Variants in CSMD3 observed in about 807,000 individuals in gnomAD.
CSMD3 encodes the protein CUB and sushi domain-containing protein 3.
A neutral mutation model predicts 435.2 loss-of-function variants in CSMD3; 177 were observed. The ratio of observed to expected loss-of-function variants is 0.41; its 90% CI spans 0.36 to 0.46. The LOEUF (loss-of-function observed/expected upper bound fraction) is 0.46, where lower values mean the gene tolerates loss of function less well. Among genes scored for constraint, CSMD3 ranks in the 20% least tolerant of loss-of-function variants. The pLI, the probability that CSMD3 is intolerant of heterozygous loss-of-function variation, is 0.34. For missense variants in CSMD3, 4,265 were observed against 4,504.6 expected (o/e 0.95, Z 1.52); for synonymous variants, 1,656 against 1,520.5 (o/e 1.09, Z -2.07).
chr8:113,078,645 C>A (rs1038715195), intron 5 of CSMD3, among the ~76,000 whole-genome samples: 22 of 152,098 alleles, frequency 1.4e-4, no homozygotes, highest in African/African-American at 5.3e-4. Flanking sequence ...TTTTTGAACA[C>A]CCACATGAGC....
chr8:112,359,281 C>A (rs1826943465), intron 38 of CSMD3, among the ~76,000 whole-genome samples: 1 of 152,144 alleles, frequency 6.6e-6, no homozygotes. Context: ...TCCTTCATTC[C>A]TGTGCCAGAT....
At chr8:113,332,356 T>G (rs2094034753) in intron 1 of CSMD3, among the ~76,000 whole-genome samples, 1 of 129,152 alleles carries the variant, frequency 7.7e-6, no homozygotes, top group African/African-American at 2.8e-5. Context: ...CAGAACATAA[T>G]AAAATGAGGT....
chr8:112,303,848 C>A (rs1416864579), intron 52 of CSMD3, among the ~76,000 whole-genome samples: 2 of 151,994 alleles, frequency 1.3e-5, no homozygotes, highest in Non-Finnish European at 1.5e-5. Context: ...CCTAGGTAGA[C>A]CTTTGATCTC....
At chr8:113,241,777 A>G (rs1229966310) in intron 3 of CSMD3, among the ~76,000 whole-genome samples, 2 of 151,920 alleles carry the variant, frequency 1.3e-5, no homozygotes, top group Non-Finnish European at 1.5e-5. Flanking sequence ...AAAGAAAAAT[A>G]AAATTTGAGT....
At chr8:112,893,006 A>C (rs1472794057) in intron 10 of CSMD3, among the ~76,000 whole-genome samples, 1 of 151,434 alleles carries the variant, frequency 6.6e-6, no homozygotes, top group African/African-American at 2.4e-5. Context: ...AGCTATAGGC[A>C]AAGAATGAAT....
chr8:113,392,987 G>GTATA (rs147048667), intron 1 of CSMD3, among the ~76,000 whole-genome samples: 1 of 149,008 alleles, frequency 6.7e-6, no homozygotes, highest in African/African-American at 2.5e-5. Flanking sequence ...ATATACATAT[G>GTATA]TATATATATA....
Position 112,976,423 on chromosome 8 carries a change from C to T in CSMD3, c.1031-275G>A, listed in dbSNP as rs377676423. Among the ~76,000 whole-genome samples, 15 of 152,082 alleles carry T rather than the reference C, an allele frequency of 9.9e-5. No individual in the cohort carries two copies. In the East Asian group the frequency reaches 1.9e-3, roughly 20 times the overall value. ...GTAAAAGGGTAAACCCTTTATGTGG[C>T]CCTGAATCAATCTTTTAAAAAAATC... On this transcript the variant is annotated intron_variant, in intron 6 of 70. Coordinates refer to ENST00000297405, the MANE Select transcript of CSMD3 (RefSeq NM_198123.2).
intron 27 of CSMD3, among the ~76,000 whole-genome samples, chr8:112,522,193 G>T (rs1223975944): frequency 6.6e-6 from 1 of 151,544 alleles, no homozygotes; most frequent in Admixed American, 6.6e-5. Flanking sequence ...TGTACCCATG[G>T]CTAAAATTCT....
At chr8:112,450,951 T>C (rs1816193732) in intron 32 of CSMD3, among the ~76,000 whole-genome samples, 2 of 152,202 alleles carry the variant, frequency 1.3e-5, no homozygotes, top group Admixed American at 6.5e-5. Flanking sequence ...AATACATATA[T>C]AAACATGTTT....
chr8:112,563,715 T>C (rs534646724), intron 24 of CSMD3, among the ~76,000 whole-genome samples: 1 of 152,202 alleles, frequency 6.6e-6, no homozygotes, highest in South Asian at 2.1e-4. Context: ...ATTAATCTTC[T>C]AGGTGACTAC....
intron 6 of CSMD3, among the ~76,000 whole-genome samples, chr8:112,990,932 G>A (rs1199995634): frequency 1.3e-5 from 2 of 151,688 alleles, no homozygotes; most frequent in East Asian, 3.9e-4. Context: ...TCTGTGGATA[G>A]AAAACATTTT....
chr8:112,587,468 T>A (rs989476238), intron 22 of CSMD3, among the ~76,000 whole-genome samples: 1 of 151,730 alleles, frequency 6.6e-6, no homozygotes, highest in African/African-American at 2.4e-5. Flanking sequence ...TATACAATAG[T>A]TGTAGTAATT....
chr8:113,101,016 G>A (rs1014206385), intron 4 of CSMD3, among the ~76,000 whole-genome samples: 2 of 151,948 alleles, frequency 1.3e-5, no homozygotes, highest in Non-Finnish European at 2.9e-5. Flanking sequence ...AGCCTCCTGG[G>A]GTTACAAGTA....
chr8:112,515,464 G>A (rs190862509), intron 28 of CSMD3, among the ~76,000 whole-genome samples: 163 of 152,164 alleles, frequency 1.1e-3, no homozygotes, highest in Non-Finnish European at 1.8e-3. Context: ...AAACAGATAC[G>A]AAACATTATT....
intron 2 of CSMD3, among the ~76,000 whole-genome samples, chr8:113,302,534 C>T (rs561632980): frequency 2.0e-5 from 3 of 151,132 alleles, no homozygotes; most frequent in South Asian, 4.2e-4. Context: ...ATTTTATTTA[C>T]GAGCTCATAT....
At chr8:113,194,592 A>C (rs2092629422) in intron 3 of CSMD3, among the ~76,000 whole-genome samples, 1 of 151,310 alleles carries the variant, frequency 6.6e-6, no homozygotes. Flanking sequence ...GATAGTAACA[A>C]ATGTATCATT....
At chr8:112,541,768 T>A (rs1299032824) in intron 27 of CSMD3, among the ~76,000 whole-genome samples, 1 of 151,598 alleles carries the variant, frequency 6.6e-6, no homozygotes, top group South Asian at 2.1e-4. Flanking sequence ...AACAAAAAAA[T>A]TTCCAAATTA....
chr8:113,376,697 G>T, intron 1 of CSMD3: 1 of 1,612,888 alleles, frequency 6.2e-7, no homozygotes. Context: ...CACAAGGACC[G>T]AAAGGTTCGG....
At chr8:113,072,020 C>A (rs2089142765) in intron 5 of CSMD3, among the ~76,000 whole-genome samples, 1 of 151,538 alleles carries the variant, frequency 6.6e-6, no homozygotes. Context: ...AAATATTTAA[C>A]CTCCTTGGTT....
Sources: allele counts gnomAD v4.1 joint callset (sites outside exome capture counted in the v4.1 genomes callset), GRCh38; gene constraint gnomAD v4.1.1; transcripts MANE v1.5; gene names NCBI Gene and HGNC (gene_info 2026-07-23, HGNC 2026-07-21).